The following MAD1L1 variants were observed in gnomAD, a reference collection of about 807,000 sequenced individuals.
MAD1L1 encodes the protein mitotic spindle assembly checkpoint protein MAD1.
In MAD1L1, 95 loss-of-function variants were observed where a neutral mutation model predicts 96.9. The ratio of observed to expected loss-of-function variants is 0.98; its 90% CI spans 0.83 to 1.16. The LOEUF (loss-of-function observed/expected upper bound fraction) is 1.16. MAD1L1 is among the 50% of genes most tolerant of loss of function. The pLI is 0.00. For synonymous variants in MAD1L1, 473 were observed against 396.6 expected, an observed-to-expected ratio of 1.19 and a Z score of -2.29; for missense variants, 1,007 against 954.4, an observed-to-expected ratio of 1.06 and a Z score of -0.73.
At chr7:2,011,374 C>A (rs1037202667) in intron 13 of MAD1L1, among the ~76,000 whole-genome samples, 3 of 152,208 alleles carry the variant, frequency 2.0e-5, no homozygotes, top group Admixed American at 6.5e-5. Flanking sequence ...CTGCTGGGCC[C>A]CCGCCTTCAC....
In MAD1L1 at chr7:2,208,230, C is replaced by G. The variant is rs78044611; in HGVS notation, c.986+4982G>C. Among the ~76,000 whole-genome samples, 1,201 of 152,190 alleles carry G rather than the reference C, an allele frequency of 7.9e-3. 17 individuals carry two copies. The highest frequency in any genetic ancestry group is 0.027 in the African/African-American group (1,132 of 41,514). On this transcript the variant is annotated intron_variant, in intron 10 of 18. Coordinates refer to ENST00000265854, the MANE Select transcript of MAD1L1 (RefSeq NM_001013836.2). ...CCTCGAGTGGCTCACTGCTAGTATA[C>G]AGAAACATAACCCATTTTGGTACAT...
At chr7:1,956,785 C>G (rs1779746917) in intron 16 of MAD1L1, among the ~76,000 whole-genome samples, 2 of 152,258 alleles carry the variant, frequency 1.3e-5, no homozygotes, top group Non-Finnish European at 2.9e-5. Flanking sequence ...TTCACCAGTG[C>G]TGGCACCGCA....
intron 18 of MAD1L1, among the ~76,000 whole-genome samples, chr7:1,877,716 T>A (rs1785457029): frequency 6.6e-6 from 1 of 152,164 alleles, no homozygotes; most frequent in South Asian, 2.1e-4. Context: ...ATATTAAAAT[T>A]GTAAGAAAGC....
intron 10 of MAD1L1, among the ~76,000 whole-genome samples, chr7:2,203,470 A>G (rs1223268479): frequency 6.6e-6 from 1 of 152,232 alleles, no homozygotes; most frequent in Non-Finnish European, 1.5e-5. Flanking sequence ...ACCAGCTAGG[A>G]GTCTCAAACG....
chr7:2,184,093 A>C (rs1220487510), intron 10 of MAD1L1, among the ~76,000 whole-genome samples: 1 of 151,938 alleles, frequency 6.6e-6, no homozygotes, highest in Non-Finnish European at 1.5e-5. Flanking sequence ...TACTAAAAAA[A>C]TACAAAAAAT....
intron 18 of MAD1L1, among the ~76,000 whole-genome samples, chr7:1,883,712 G>C (rs887724485): frequency 6.6e-6 from 1 of 152,220 alleles, no homozygotes; most frequent in Non-Finnish European, 1.5e-5. Flanking sequence ...CGGAGGCCGA[G>C]GCAGAGGGTG....
intron 17 of MAD1L1, among the ~76,000 whole-genome samples, chr7:1,910,549 T>C (rs1020798206): frequency 1.1e-4 from 17 of 152,082 alleles, no homozygotes; most frequent in Non-Finnish European, 2.9e-5. Context: ...GCTGTCTCCA[T>C]TGGTCATTCA....
intron 18 of MAD1L1, among the ~76,000 whole-genome samples, chr7:1,884,512 C>T (rs938723256): frequency 3.3e-5 from 5 of 152,246 alleles, no homozygotes; most frequent in Non-Finnish European, 1.5e-5. Context: ...GCCCTGAGGC[C>T]GTCCTGCTGA....
intron 12 of MAD1L1, among the ~76,000 whole-genome samples, chr7:2,045,995 C>CG (rs1405204869): frequency 1.3e-5 from 2 of 152,164 alleles, no homozygotes; most frequent in African/African-American, 4.8e-5. Context: ...ATGACAGAGG[C>CG]GGCAGTGGAG....
chr7:1,938,803 G>GCGCA (rs1778759235), intron 16 of MAD1L1, among the ~76,000 whole-genome samples: 1 of 130,446 alleles, frequency 7.7e-6, no homozygotes, highest in East Asian at 2.4e-4. Context: ...GGGACCAGAG[G>GCGCA]CGCACACACA....
At position 2,015,103 on chromosome 7, in the gene MAD1L1, G is replaced by A. The variant is rs113277862; in HGVS notation, c.1219-461C>T. 1.6e-3 allele frequency among the ~76,000 whole-genome samples: 238 copies of A among 152,344 alleles called. 2 individuals carry two copies. Among genetic ancestry groups the A allele is most frequent in the African/African-American group, 5.6e-3 (231 of 41,576 alleles). On this transcript the variant is annotated intron_variant, in intron 12 of 18. Transcript: ENST00000265854. ...ACTGGGCCCAGGGAAACGACAGTGG[G>A]CAGGCCCAGAGCTGGGTGAGTCCCC...
At chr7:2,060,435 T>TGAGATAACGCCGATGCC (rs1222358140) in intron 12 of MAD1L1, among the ~76,000 whole-genome samples, 8 of 150,042 alleles carry the variant, frequency 5.3e-5, no homozygotes, top group South Asian at 4.3e-4. Context: ...ACGCCGATGC[T>TGAGATAACGCCGATGCC]GAGATAACGC....
At chr7:2,112,555 C>T (rs890095900) in intron 11 of MAD1L1, among the ~76,000 whole-genome samples, 4 of 152,238 alleles carry the variant, frequency 2.6e-5, no homozygotes, top group Admixed American at 6.5e-5. Flanking sequence ...AGACCCTGTG[C>T]GCACGTGAGG....
intron 12 of MAD1L1, among the ~76,000 whole-genome samples, chr7:2,045,301 T>C (rs1038022144): frequency 1.3e-5 from 2 of 151,950 alleles, no homozygotes; most frequent in South Asian, 2.1e-4. Context: ...CCCCGTGAGA[T>C]ACCCCACGTC....
chr7:2,232,215 C>G (rs1794228992), intron 1 of MAD1L1, among the ~76,000 whole-genome samples: 1 of 152,266 alleles, frequency 6.6e-6, no homozygotes, highest in South Asian at 2.1e-4. Context: ...TGCAGCTGCA[C>G]AGTTTCTGAG....
At position 2,042,895 on chromosome 7, in the gene MAD1L1, G is replaced by GTCCACA. The variant is rs1437878460; in HGVS notation, c.1218+26298_1218+26299insTGTGGA. On this transcript the variant is annotated intron_variant, in intron 12 of 18. Transcript: ENST00000265854. ...CACGCACACACATGTCCACGTCCAC[G>GTCCACA]TCCACGTCCACATCCACGTCCACGT... 7.6e-5 allele frequency among the ~76,000 whole-genome samples: 9 copies of GTCCACA among 117,928 alleles called. No individual in the cohort carries two copies. The South Asian group carries it at 1.4e-3, about 18-fold the overall frequency. The allele number at this position is 117,928 out of a possible 152,430, so 77.4% of individuals were successfully genotyped here. A position where few individuals can be genotyped will look rare whatever the true frequency, so the allele number is the denominator to read the frequency against.
intron 17 of MAD1L1, among the ~76,000 whole-genome samples, chr7:1,909,955 C>T (rs933191060): frequency 3.3e-5 from 5 of 152,210 alleles, no homozygotes; most frequent in Non-Finnish European, 5.9e-5. Context: ...GCTGGGTGAG[C>T]TCTGTGCAGC....
intron 11 of MAD1L1, among the ~76,000 whole-genome samples, chr7:2,130,745 C>T (rs1584394240): frequency 6.6e-6 from 1 of 152,244 alleles, no homozygotes; most frequent in South Asian, 2.1e-4. Context: ...CACACCTCTC[C>T]CACTTCCAGT....
At chr7:1,905,610 G>A (rs1428328314) in intron 17 of MAD1L1, among the ~76,000 whole-genome samples, 3 of 152,268 alleles carry the variant, frequency 2.0e-5, no homozygotes, top group Non-Finnish European at 2.9e-5. Context: ...GCCTATGGAA[G>A]ATGCTCTTGT....
Sources: allele counts gnomAD v4.1 joint callset (sites outside exome capture counted in the v4.1 genomes callset), GRCh38; gene constraint gnomAD v4.1.1; transcripts MANE v1.5; gene names NCBI Gene and HGNC (gene_info 2026-07-23, HGNC 2026-07-21).